Variants in ROBO1 observed in about 807,000 individuals in gnomAD.
ROBO1 encodes roundabout homolog 1.
In ROBO1, 149 loss-of-function variants were observed where a neutral mutation model predicts 195.9. The ratio of observed to expected loss-of-function variants is 0.76; its 90% CI spans 0.67 to 0.87. The LOEUF is 0.87. Among genes scored for constraint, ROBO1 ranks in the 40% least tolerant of loss-of-function variants. The pLI, the probability that ROBO1 is intolerant of heterozygous loss-of-function variation, is 0.00. For synonymous variants in ROBO1, 816 were observed against 733.2 expected (o/e 1.11, Z -1.82); for missense variants, 1,933 against 2,068.3 (o/e 0.93, Z 1.27).
intron 2 of ROBO1, among the ~76,000 whole-genome samples, chr3:79,168,403 A>G (rs1413622341): frequency 3.3e-5 from 5 of 152,140 alleles, no homozygotes; most frequent in Non-Finnish European, 5.9e-5. Flanking sequence ...TCATAATTCA[A>G]AGCTAAAGTT....
chr3:79,588,969 C>A (rs1943913894), intron 2 of ROBO1, among the ~76,000 whole-genome samples: 1 of 151,642 alleles, frequency 6.6e-6, no homozygotes, highest in African/African-American at 2.4e-5. Context: ...ATGAACATGA[C>A]AAGTTACATA....
chr3:79,548,915 G>A (rs1298194255), intron 2 of ROBO1, among the ~76,000 whole-genome samples: 2 of 152,100 alleles, frequency 1.3e-5, no homozygotes, highest in African/African-American at 4.8e-5. Flanking sequence ...CAGGAGAAAA[G>A]GCTTCCAAAA....
chr3:78,666,579 A>G (rs1229594335), intron 14 of ROBO1, among the ~76,000 whole-genome samples: 1 of 152,192 alleles, frequency 6.6e-6, no homozygotes, highest in Non-Finnish European at 1.5e-5. Flanking sequence ...AAAACCTCAG[A>G]CTGCCTTAAG....
intron 2 of ROBO1, among the ~76,000 whole-genome samples, chr3:79,560,663 G>A (rs779889332): frequency 2.0e-5 from 3 of 150,456 alleles, no homozygotes; most frequent in African/African-American, 7.3e-5. Flanking sequence ...TCTTCACACC[G>A]TAGATCTCAC....
At chr3:79,622,834 G>A (rs191053478) in intron 1 of ROBO1, among the ~76,000 whole-genome samples, 2 of 152,156 alleles carry the variant, frequency 1.3e-5, no homozygotes, top group African/African-American at 2.4e-5. Flanking sequence ...CATTAAACAG[G>A]TCTTGTTCCC....
At chr3:78,933,917 T>C (rs1044016705) in intron 4 of ROBO1, among the ~76,000 whole-genome samples, 1 of 151,994 alleles carries the variant, frequency 6.6e-6, no homozygotes, top group Non-Finnish European at 1.5e-5. Context: ...TGGAATTTAG[T>C]AGGAAATACT....
chr3:79,115,385 A>G (rs950556113), intron 3 of ROBO1, among the ~76,000 whole-genome samples: 3 of 152,172 alleles, frequency 2.0e-5, no homozygotes, highest in African/African-American at 7.2e-5. Flanking sequence ...ATTTCAAAAT[A>G]TAAAGATATC....
intron 2 of ROBO1, among the ~76,000 whole-genome samples, chr3:79,559,809 T>C (rs1421812116): frequency 4.6e-5 from 7 of 151,860 alleles, no homozygotes; most frequent in Admixed American, 6.6e-5. Context: ...CCCAGCTACT[T>C]AGGAGGCTGA....
chr3:79,549,509 G>A (rs1052657206), intron 2 of ROBO1, among the ~76,000 whole-genome samples: 1 of 152,016 alleles, frequency 6.6e-6, no homozygotes, highest in Non-Finnish European at 1.5e-5. Flanking sequence ...TAATAATTGT[G>A]CCTGTATTAA....
At chr3:78,791,959 T>C (rs1219571549) in intron 4 of ROBO1, among the ~76,000 whole-genome samples, 1 of 152,226 alleles carries the variant, frequency 6.6e-6, no homozygotes, top group East Asian at 1.9e-4. Context: ...CCATCCCTGA[T>C]TGCTGTCCAG....
At chr3:79,059,607 T>A (rs1168313691) in intron 3 of ROBO1, among the ~76,000 whole-genome samples, 3 of 152,066 alleles carry the variant, frequency 2.0e-5, no homozygotes, top group African/African-American at 7.2e-5. Context: ...CATTCATTAG[T>A]TCCCCCAAAT....
intron 2 of ROBO1, among the ~76,000 whole-genome samples, chr3:79,199,611 T>G (rs769429893): frequency 8.6e-5 from 13 of 151,752 alleles, no homozygotes; most frequent in Non-Finnish European, 1.8e-4. Context: ...ACCATTTTTT[T>G]TTTGTTTGTC....
chr3:79,674,902 G>A (rs570257678), intron 1 of ROBO1, among the ~76,000 whole-genome samples: 488 of 151,104 alleles, frequency 3.2e-3, no homozygotes, highest in Non-Finnish European at 5.5e-3. Context: ...CTCAACCAAA[G>A]TAATTTTTAG....
intron 2 of ROBO1, among the ~76,000 whole-genome samples, chr3:79,441,937 T>C (rs2039068268): frequency 6.6e-6 from 1 of 152,088 alleles, no homozygotes; most frequent in African/African-American, 2.4e-5. Flanking sequence ...GCTATAGATA[T>C]AGCAGAATTT....
intron 22 of ROBO1, among the ~76,000 whole-genome samples, chr3:78,638,421 T>C (rs929051994): frequency 1.3e-4 from 19 of 151,908 alleles, no homozygotes; most frequent in Non-Finnish European, 7.4e-5. Flanking sequence ...TTAATTTTTA[T>C]TTAAATTTTT....
intron 2 of ROBO1, among the ~76,000 whole-genome samples, chr3:79,157,443 C>G (rs2080878818): frequency 6.6e-6 from 1 of 151,874 alleles, no homozygotes; most frequent in Admixed American, 6.6e-5. Context: ...CAGCTCAGGC[C>G]AGAGAGCTGT....
chr3:79,226,543 CTTTTTT>C (rs112824317), intron 2 of ROBO1, among the ~76,000 whole-genome samples: 2 of 135,726 alleles, frequency 1.5e-5, no homozygotes, highest in Non-Finnish European at 3.1e-5. Context: ...TTCTTTCTTT[CTTTTTT>C]TTTTTTTTTA....
At chr3:79,727,751 A>G (rs1293594279) in intron 1 of ROBO1, among the ~76,000 whole-genome samples, 1 of 152,136 alleles carries the variant, frequency 6.6e-6, no homozygotes, top group Non-Finnish European at 1.5e-5. Context: ...CCCTTTTAAA[A>G]TCTCAGTGCA....
intron 2 of ROBO1, among the ~76,000 whole-genome samples, chr3:79,573,059 T>C (rs766025219): frequency 3.4e-4 from 52 of 152,146 alleles, no homozygotes; most frequent in Non-Finnish European, 6.3e-4. Flanking sequence ...AATACACATG[T>C]ATTTTTTTGA....
Sources: gnomAD v4.1 joint callset for allele counts (sites outside exome capture counted in the v4.1 genomes callset) on GRCh38, gnomAD v4.1.1 for gene constraint, MANE v1.5 for transcripts, NCBI Gene and HGNC (gene_info 2026-07-23, HGNC 2026-07-21) for gene names.